CSNK1G1: variants seen among roughly 807,000 people sequenced by gnomAD.
The protein encoded by CSNK1G1 is casein kinase I isoform gamma-1.
In CSNK1G1, 22 loss-of-function variants were observed where a neutral mutation model predicts 59.6. The observed-to-expected ratio is 0.37, with a 90% confidence interval of 0.26 to 0.53. The LOEUF (loss-of-function observed/expected upper bound fraction) is 0.53. Ranked by LOEUF, CSNK1G1 falls within the 20% of genes least tolerant of loss-of-function variation. CSNK1G1 has a pLI of 0.89. For missense variants in CSNK1G1, 384 were observed against 519.5 expected, an observed-to-expected ratio of 0.74 and a Z score of 2.54; for synonymous variants, 179 against 177.1, an observed-to-expected ratio of 1.01 and a Z score of -0.08.
intron 1 of CSNK1G1, among the ~76,000 whole-genome samples, chr15:64,346,077 G>C (rs979580920): frequency 7.0e-6 from 1 of 143,032 alleles, no homozygotes; most frequent in Non-Finnish European, 1.6e-5. Context: ...CACTGCACCC[G>C]GCAGAAAAAA....
At chr15:64,217,132 C>T (rs1030652339) in intron 4 of CSNK1G1, among the ~76,000 whole-genome samples, 2 of 152,370 alleles carry the variant, frequency 1.3e-5, no homozygotes, top group Middle Eastern at 6.8e-3. Flanking sequence ...TCTATGCTTA[C>T]TGCCATAGCC....
chr15:64,231,213 C>A (rs1596131292), intron 4 of CSNK1G1, among the ~76,000 whole-genome samples: 1 of 150,164 alleles, frequency 6.7e-6, no homozygotes. Context: ...GTGGTCCCAG[C>A]TACTCAGGAA....
At chr15:64,350,888 C>G (rs1387899945) in intron 1 of CSNK1G1, among the ~76,000 whole-genome samples, 1 of 151,946 alleles carries the variant, frequency 6.6e-6, no homozygotes, top group East Asian at 1.9e-4. Context: ...AATGGTAATT[C>G]TGAAGTAAAT....
chr15:64,268,772 C>G (rs550654357), intron 2 of CSNK1G1, among the ~76,000 whole-genome samples: 50 of 152,148 alleles, frequency 3.3e-4, no homozygotes, highest in Non-Finnish European at 5.0e-4. Context: ...GGGTTGACTC[C>G]CACCTTGTGC....
chr15:64,212,992 C>A (rs1417594365), intron 6 of CSNK1G1, among the ~76,000 whole-genome samples: 2 of 151,920 alleles, frequency 1.3e-5, no homozygotes, highest in Non-Finnish European at 2.9e-5. Context: ...GGTGATAGAG[C>A]GAGACTACAT....
At chr15:64,189,275 C>T (rs2081939270) in intron 10 of CSNK1G1, 1 of 942,256 alleles carries the variant, frequency 1.1e-6, no homozygotes, top group Admixed American at 5.9e-5. Flanking sequence ...GGAGGGTCGA[C>T]CTTCAACTAA....
At chr15:64,193,488 T>A (rs377157902) in intron 10 of CSNK1G1, among the ~76,000 whole-genome samples, 2 of 2,136 alleles carry the variant, frequency 9.4e-4, no homozygotes, top group African/African-American at 3.1e-3. Context: ...TGAGACTCTG[T>A]CTCAAAAAAA....
Position 64,180,407 on chromosome 15 carries a change from T to A in CSNK1G1, c.1155A>T (p.Gly385=), listed in dbSNP as rs752831967. The change falls in exon 11 of 12, where the codon GGA becomes GGT. Residue 385 remains glycine, a synonymous_variant. Transcript: ENST00000303052. ...NGELNVDDPT[G]AHSNAPITAH... ...CTGTGATTGGTGCATTGGAGTGGGC[T>A]CCCGTGGGATCATCAACATTCAGCT... 5.0e-6 allele frequency: 8 copies of A among 1,614,136 alleles called. No homozygotes were observed. The South Asian group carries it at 7.7e-5, about 16-fold the overall frequency.
intron 10 of CSNK1G1, among the ~76,000 whole-genome samples, chr15:64,197,806 C>T (rs1050776460): frequency 3.9e-5 from 6 of 152,128 alleles, no homozygotes; most frequent in Admixed American, 3.3e-4. Context: ...AGCACCAACT[C>T]GCCAGCCCAG....
chr15:64,193,647 AGG>A (rs1455639639), intron 10 of CSNK1G1, among the ~76,000 whole-genome samples: 1 of 152,136 alleles, frequency 6.6e-6, no homozygotes, highest in Admixed American at 6.5e-5. Flanking sequence ...ATCAAATAGG[AGG>A]GAAGTTTAAA....
At chr15:64,207,420 C>T in intron 7 of CSNK1G1, 89 bp downstream of exon 7, 1 of 961,770 alleles carries the variant, frequency 1.0e-6, no homozygotes, top group Non-Finnish European at 1.6e-6. Flanking sequence ...CAGCCCCCTA[C>T]ACATTTCTTA....
At chr15:64,195,246 T>C (rs931627204) in intron 10 of CSNK1G1, among the ~76,000 whole-genome samples, 1 of 152,214 alleles carries the variant, frequency 6.6e-6, no homozygotes, top group African/African-American at 2.4e-5. Flanking sequence ...TCTGTTACCA[T>C]TTAAAAGCTT....
In CSNK1G1 at chr15:64,332,418, A is replaced by G. The variant is rs1290376367; in HGVS notation, c.-225+23570T>C. ...AAACCATCATTCTCAGTAAACTATCACAAGAACAAAAAACCAAACACCGCA... is the reference window on the plus strand; with the variant it reads ...AAACCATCATTCTCAGTAAACTATCGCAAGAACAAAAAACCAAACACCGCA... On this transcript the variant is annotated intron_variant, in intron 1 of 11. Coordinates refer to ENST00000303052, the MANE Select transcript of CSNK1G1 (RefSeq NM_022048.5). 2.4e-3 allele frequency among the ~76,000 whole-genome samples: 336 copies of G among 141,444 alleles called. 1 individual carries two copies. Among genetic ancestry groups the G allele is most frequent in the African/African-American group, 8.3e-3 (319 of 38,324 alleles). The allele number at this position is 141,444 out of a possible 152,430, so 92.8% of individuals were successfully genotyped here. A position where few individuals can be genotyped will look rare whatever the true frequency, so the allele number is the denominator to read the frequency against.
At chr15:64,278,043 A>T (rs975202817) in intron 2 of CSNK1G1, among the ~76,000 whole-genome samples, 24 of 148,524 alleles carry the variant, frequency 1.6e-4, no homozygotes, top group African/African-American at 5.6e-4. Context: ...TTTATTATCT[A>T]TTAAAATATA....
At chr15:64,314,687 C>A (rs751906088) in intron 1 of CSNK1G1, among the ~76,000 whole-genome samples, 16 of 151,990 alleles carry the variant, frequency 1.1e-4, no homozygotes, top group Non-Finnish European at 2.2e-4. Context: ...TCTATGAGTT[C>A]AGTTGTTTTA....
chr15:64,302,368 T>C (rs946598416), intron 1 of CSNK1G1, among the ~76,000 whole-genome samples: 3 of 152,168 alleles, frequency 2.0e-5, no homozygotes, highest in African/African-American at 7.2e-5. Context: ...CCCAAAGTGC[T>C]GGGATTACAG....
chr15:64,217,803 G>A (rs1283262486), intron 4 of CSNK1G1, among the ~76,000 whole-genome samples: 2 of 145,854 alleles, frequency 1.4e-5, no homozygotes, highest in South Asian at 2.2e-4. Flanking sequence ...GTGACAGAGC[G>A]AGACTCCATC....
At position 64,259,251 on chromosome 15, in the gene CSNK1G1, A is replaced by G; in HGVS notation, c.182-10T>C. On this transcript the variant is annotated splice_polypyrimidine_tract_variant and intron_variant, in intron 2 of 11. Coordinates refer to ENST00000303052, the MANE Select transcript of CSNK1G1 (RefSeq NM_022048.5). ...GTGTAGAGATTTTTACCTAAGAGGAAAGCAGAATGTATATGTTTTAGTGAC... is the reference window on the plus strand; with the variant it reads ...GTGTAGAGATTTTTACCTAAGAGGAGAGCAGAATGTATATGTTTTAGTGAC... The G allele has an allele frequency of 6.3e-7, 1 of 1,584,030 alleles. No homozygotes were observed.
chr15:64,349,436 T>A (rs936801182), intron 1 of CSNK1G1, among the ~76,000 whole-genome samples: 2 of 152,104 alleles, frequency 1.3e-5, no homozygotes, highest in Non-Finnish European at 2.9e-5. Context: ...ACACCTCCAA[T>A]GTGATGGGTG....
Sources: allele counts gnomAD v4.1 joint callset (sites outside exome capture counted in the v4.1 genomes callset), GRCh38; gene constraint gnomAD v4.1.1; transcripts MANE v1.5; gene names NCBI Gene and HGNC (gene_info 2026-07-23, HGNC 2026-07-21).